Variants in MORF4L1 observed in about 807,000 individuals in gnomAD.
The protein encoded by MORF4L1 is mortality factor 4-like protein 1.
MORF4L1 carries 4 observed loss-of-function variants against 52.9 expected under a neutral mutation model. The ratio of observed to expected loss-of-function variants is 0.08; its 90% CI spans 0.04 to 0.17. The LOEUF is 0.17. Among genes scored for constraint, MORF4L1 ranks in the 10% least tolerant of loss-of-function variants. The pLI is 1.00. For synonymous variants in MORF4L1, 123 were observed against 134.8 expected (o/e 0.91, Z 0.61); for missense variants, 214 against 390.4 (o/e 0.55, Z 3.81).
chr15:78,892,605 A>T (rs1212078811), intron 8 of MORF4L1: 2 of 261,280 alleles, frequency 7.7e-6, no homozygotes, highest in African/African-American at 4.5e-5. Flanking sequence ...GTGAAGAAGC[A>T]TATGTCTTAC....
rs1346567511 is a variant in MORF4L1 at position 78,873,077 on chromosome 15, A to G, written c.40+20A>G. On this transcript the variant is annotated intron_variant, in intron 1 of 11. Coordinates refer to ENST00000426013, the MANE Select transcript of MORF4L1 (RefSeq NM_006791.4). The stretch of plus-strand genomic sequence containing the variant: ...AGGAGGGTGAGTGTGCGCCTTTGGG[A>G]AAAAGGCACCTAACGGCGCAGGAGA... 7 of 1,548,196 alleles carry G rather than the reference A, an allele frequency of 4.5e-6. No homozygotes were observed. Among genetic ancestry groups the G allele is most frequent in the African/African-American group, 2.8e-5 (2 of 72,636 alleles).
rs1466077273 is a variant in MORF4L1 at position 78,888,882 on chromosome 15, CAT to C, written c.323+1534_323+1535del. Among the ~76,000 whole-genome samples the C allele has an allele frequency of 6.6e-5, 10 of 152,224 alleles. 1 individual carries two copies. The highest frequency in any genetic ancestry group is 9.6e-5 in the African/African-American group (4 of 41,528). On this transcript the variant is annotated intron_variant, in intron 5 of 11. Coordinates refer to ENST00000426013, the MANE Select transcript of MORF4L1 (RefSeq NM_006791.4). ...TGTTCATAGTTTTAATAAGTGGTAA[CAT>C]GTTTTCATGATCTGGTTCTTTGGAA...
chr15:78,891,500 T>C lies in MORF4L1; in HGVS notation c.366T>C (p.Asp122=). The part of the protein sequence containing the change: ...KNKQKTPGNG[D]GGSTSETPQP... ...CATTTACAGCACCTGGAAATGGAGA[T>C]GGTGGCAGTACCAGTGAGACCCCTC... Residue 122 remains aspartate (D), a synonymous_variant, in exon 7 of 12, where the codon GAT becomes GAC. Coordinates refer to ENST00000426013, the MANE Select transcript of MORF4L1 (RefSeq NM_006791.4). 6.2e-7 allele frequency: 1 copy of C among 1,614,022 alleles called. No individual in the cohort carries two copies. The highest frequency in any genetic ancestry group is 8.5e-7 in the Non-Finnish European group (1 of 1,179,946).
At chr15:78,874,496 C>G (rs10851914) in intron 1 of MORF4L1, among the ~76,000 whole-genome samples, 102,951 of 151,632 alleles carry the variant, frequency 0.68, 37,515 homozygotes, top group Non-Finnish European at 0.82. Flanking sequence ...TAGCTGGGAT[C>G]ACAGACGCGC....
chr15:78,874,244 G>A (rs2056434675), intron 1 of MORF4L1, among the ~76,000 whole-genome samples: 1 of 152,206 alleles, frequency 6.6e-6, no homozygotes, highest in Non-Finnish European at 1.5e-5. Flanking sequence ...ACATGCGTAC[G>A]ATTTTTGTTC....
chr15:78,877,113 ATTTTTTTT>A (rs60811430), intron 1 of MORF4L1, among the ~76,000 whole-genome samples: 3 of 60,952 alleles, frequency 4.9e-5, no homozygotes, highest in African/African-American at 1.3e-4. Flanking sequence ...CGCCCGGCTG[ATTTTTTTT>A]TTTTTTTTTT....
chr15:78,896,798 G>A (rs889865762), intron 11 of MORF4L1, among the ~76,000 whole-genome samples, 185 bp from the exon 12 acceptor site: 1 of 152,132 alleles, frequency 6.6e-6, no homozygotes, highest in African/African-American at 2.4e-5. Flanking sequence ...GTATAGTGTT[G>A]TTCATTGTAT....
Position 78,890,724 on chromosome 15 carries a change from A to AC in MORF4L1, c.324-260dup, listed in dbSNP as rs774527451. ...CTGGAATTTTGAGCTCTAGAGATCC[A>AC]CCCCCTCTTCACCTCCCAAAATGCT... On this transcript the variant is annotated intron_variant, in intron 5 of 11. Transcript: ENST00000426013. The AC allele has an allele frequency of 1.2e-3, 275 of 229,218 alleles. 1 individual carries two copies. The highest frequency in any genetic ancestry group is 2.6e-3 in the Admixed American group (44 of 16,790). The allele number at this position is 229,218 out of a possible 1,614,324, so 14.2% of individuals were successfully genotyped here.
Position 78,891,508 on chromosome 15 carries a change from G to A in MORF4L1, c.374G>A (p.Ser125Asn), listed in dbSNP as rs563869074. The change falls in exon 7 of 12, where the codon AGT (serine) becomes AAT (asparagine). Residue 125 changes from serine (S) to asparagine (N), a missense_variant. This residue lies in a region of MORF4L1 where 84 missense variants were observed against 116.3 expected (regional missense o/e 0.72). Coordinates refer to ENST00000426013, the MANE Select transcript of MORF4L1 (RefSeq NM_006791.4). ...QKTPGNGDGG[S>N]TSETPQPPRK... The stretch of plus-strand genomic sequence containing the variant: ...GCACCTGGAAATGGAGATGGTGGCA[G>A]TACCAGTGAGACCCCTCAGCCTCCT... The A allele has an allele frequency of 3.4e-5, 55 of 1,614,078 alleles. No homozygotes were observed. The South Asian group carries it at 5.4e-4, about 16-fold the overall frequency.
intron 5 of MORF4L1, among the ~76,000 whole-genome samples, chr15:78,887,730 A>T (rs572946206): frequency 6.6e-6 from 1 of 152,334 alleles, no homozygotes; most frequent in East Asian, 1.9e-4. Context: ...AGAATATGTG[A>T]GAAGTTAAGG....
At position 78,886,135 on chromosome 15, in the gene MORF4L1, T is replaced by C. The variant is rs2056699122; in HGVS notation, c.156-6T>C. ...TGAGTTAAATTTTAACTTTCCTCTT[T>C]TTCAGTTGGGATGAATGGGTTCCGG... On this transcript the variant is annotated splice_polypyrimidine_tract_variant and splice_region_variant and intron_variant, in intron 3 of 11. Transcript: ENST00000426013. The C allele has an allele frequency of 6.2e-7, 1 of 1,611,984 alleles. No homozygotes were observed. Among genetic ancestry groups the C allele is most frequent in the African/African-American group, 1.3e-5 (1 of 74,996 alleles).
At chr15:78,883,420 AG>A (rs1430567059) in intron 3 of MORF4L1, among the ~76,000 whole-genome samples, 2 of 152,232 alleles carry the variant, frequency 1.3e-5, no homozygotes, top group Non-Finnish European at 2.9e-5. Context: ...TACAGCGCAA[AG>A]ACTGGATTTT....
chr15:78,889,485 G>A (rs1434172145), intron 5 of MORF4L1, among the ~76,000 whole-genome samples: 1 of 152,112 alleles, frequency 6.6e-6, no homozygotes, highest in Non-Finnish European at 1.5e-5. Flanking sequence ...TTGGGATGCT[G>A]AACTCATCTA....
chr15:78,889,773 A>T (rs1387133718), intron 5 of MORF4L1, among the ~76,000 whole-genome samples: 1 of 152,216 alleles, frequency 6.6e-6, no homozygotes, highest in African/African-American at 2.4e-5. Context: ...TTAAGACCTA[A>T]ATTAAATGAA....
At chr15:78,892,136 A>C in intron 7 of MORF4L1, 76 bp from the exon 8 acceptor site, 1 of 995,564 alleles carries the variant, frequency 1.0e-6, no homozygotes, top group Non-Finnish European at 1.5e-6. Flanking sequence ...TAGTGCCTCT[A>C]AAAGTCAGCT....
intron 11 of MORF4L1, 69 bp from the exon 12 acceptor site, chr15:78,896,914 T>TG: frequency 8.5e-7 from 1 of 1,173,544 alleles, no homozygotes; most frequent in Non-Finnish European, 1.2e-6. Context: ...ATGTATATAA[T>TG]ATATAGGAAG....
chr15:78,891,866 T>C (rs1003285878), intron 7 of MORF4L1, among the ~76,000 whole-genome samples: 3 of 152,196 alleles, frequency 2.0e-5, no homozygotes, highest in African/African-American at 7.2e-5. Flanking sequence ...ACCTTTAAGA[T>C]GGTTGTGTTT....
chr15:78,885,033 T>G (rs1383310856), intron 3 of MORF4L1: 2 of 1,614,030 alleles, frequency 1.2e-6, no homozygotes, highest in African/African-American at 2.7e-5. Context: ...TAGCCCTTTT[T>G]CCTGTTCCTG....
chr15:78,880,407 T>C (rs562905091), intron 2 of MORF4L1, 105 bp from the exon 3 acceptor site: 5 of 767,430 alleles, frequency 6.5e-6, no homozygotes, highest in South Asian at 1.7e-5. Flanking sequence ...TCATTCTGTT[T>C]AGGCCACCAT....
Sources: allele counts gnomAD v4.1 joint callset (sites outside exome capture counted in the v4.1 genomes callset), GRCh38; gene constraint gnomAD v4.1.1; regional missense constraint gnomAD v4.1.1; transcripts MANE v1.5; gene names NCBI Gene and HGNC (gene_info 2026-07-23, HGNC 2026-07-21).